The following GPAM variants were observed in gnomAD, a reference collection of about 807,000 sequenced individuals.
GPAM encodes the protein glycerol-3-phosphate acyltransferase, mitochondrial.
GPAM carries 56 observed loss-of-function variants against 105.0 expected under a neutral mutation model. The observed-to-expected ratio is 0.53, with a 90% CI of 0.43 to 0.67. The LOEUF is 0.67. Ranked by LOEUF, GPAM falls within the 30% of genes least tolerant of loss-of-function variation. The pLI is 0.00. For missense variants in GPAM, 855 were observed against 989.8 expected (o/e 0.86, Z 1.83); for synonymous variants, 368 against 354.4 (o/e 1.04, Z -0.43).
In GPAM at chr10:112,161,753, A is replaced by G; in HGVS notation, c.1424-16T>C. 1 of 1,612,284 alleles carries G rather than the reference A, an allele frequency of 6.2e-7. No homozygotes were observed. The highest frequency in any genetic ancestry group is 8.5e-7 in the Non-Finnish European group (1 of 1,178,320). On this transcript the variant is annotated splice_polypyrimidine_tract_variant and intron_variant, in intron 14 of 21. Coordinates refer to ENST00000348367, the MANE Select transcript of GPAM (RefSeq NM_001244949.2). ...TTGCTAGCAGCTGGAAGGCAAACAC[A>G]AAGCTTTTTTTAGTTGCACTTTTTA... is the stretch of plus-strand genomic sequence containing the variant.
chr10:112,178,419 C>T (rs532971556), intron 4 of GPAM, among the ~76,000 whole-genome samples: 1 of 151,774 alleles, frequency 6.6e-6, no homozygotes, highest in East Asian at 1.9e-4. Context: ...GTGTGGTGGT[C>T]GGTGCCTGTA....
At position 112,181,813 on chromosome 10, in the gene GPAM, G is replaced by A. The variant is rs1847513899; in HGVS notation, c.-29C>T. ...ACAAAGTGTAATTCCCAAATCATGT[G>A]CTATAAAAAATAGGTACCATTTAAA... On this transcript the variant is annotated splice_region_variant and 5_prime_UTR_variant, in exon 3 of 22. Coordinates refer to ENST00000348367, the MANE Select transcript of GPAM (RefSeq NM_001244949.2). 7.9e-7 allele frequency: 1 copy of A among 1,261,712 alleles called. No homozygotes were observed. Among genetic ancestry groups the A allele is most frequent in the Non-Finnish European group, 1.2e-6 (1 of 858,944 alleles). 78.2% of individuals were successfully genotyped at this position (1,261,712 alleles called of 1,614,324 possible).
chr10:112,209,764 T>C (rs12246288), intron 1 of GPAM, among the ~76,000 whole-genome samples: 24,401 of 152,242 alleles, frequency 0.16, 2,457 homozygotes, highest in African/African-American at 0.27. Context: ...TTCATTTCTA[T>C]GGCAACCATC....
intron 1 of GPAM, among the ~76,000 whole-genome samples, chr10:112,200,202 ATATATATT>A (rs1847778472): frequency 8.2e-6 from 1 of 121,782 alleles, no homozygotes; most frequent in Non-Finnish European, 1.6e-5. Context: ...ATATATATAT[ATATATATT>A]TCAGTCCACA....
intron 13 of GPAM, 130 bp downstream of exon 13, chr10:112,164,395 A>ACTAAGATATTTTCTAAGAGAAACTTTT: frequency 1.5e-6 from 1 of 682,708 alleles, no homozygotes; most frequent in Non-Finnish European, 2.7e-6. Flanking sequence ...CCCTTATTGG[A>ACTAAGATATTTTCTAAGAGAAACTTTT]CTAAGAGAAA....
chr10:112,186,252 A>G (rs954049600), upstream of GPAM, among the ~76,000 whole-genome samples: 2 of 152,040 alleles, frequency 1.3e-5, no homozygotes, highest in African/African-American at 4.8e-5. Flanking sequence ...CTGAATGAAG[A>G]ACCTATCAAT....
rs552306827 is a variant in GPAM, at chr10:112,181,672, C to T, written c.102+11G>A. The T allele has an allele frequency of 6.8e-7, 1 of 1,477,720 alleles. No individual in the cohort carries two copies. Among genetic ancestry groups the T allele is most frequent in the Non-Finnish European group, 9.5e-7 (1 of 1,055,594 alleles). 91.5% of individuals were successfully genotyped at this position (1,477,720 alleles called of 1,614,324 possible). A position where few individuals can be genotyped will look rare whatever the true frequency, so the allele number is the denominator to read the frequency against. ...TAGGCTGAGTGCTTTTAACTCTTAT[C>T]CTAAACTTACCCATTCCTCACTTGT... On this transcript the variant is annotated intron_variant, in intron 3 of 21. Transcript: ENST00000348367.
In GPAM at chr10:112,153,711, T is replaced by A. The variant is rs1554888679; in HGVS notation, c.2371-45A>T. The A allele has an allele frequency of 2.5e-6, 4 of 1,596,758 alleles. No homozygotes were observed. In the South Asian group the frequency reaches 4.5e-5, roughly 18 times the overall value. On this transcript the variant is annotated intron_variant, in intron 21 of 21. Transcript: ENST00000348367. ...TAAATTAAAGGCAAAAAATAAAAAA[T>A]AAAAAAAATTTCCATTACCAACCTG... is the stretch of plus-strand genomic sequence containing the variant.
At position 112,156,064 on chromosome 10, in the gene GPAM, A is replaced by G. The variant is rs1242042981; in HGVS notation, c.2122-11T>C. The G allele has an allele frequency of 5.6e-6, 9 of 1,600,524 alleles. No homozygotes were observed. The highest frequency in any genetic ancestry group is 6.8e-6 in the Non-Finnish European group (8 of 1,168,888). On this transcript the variant is annotated splice_polypyrimidine_tract_variant and intron_variant, in intron 19 of 21. Transcript: ENST00000348367. ...CTTGGATTGGCTCACCTGAGTGTGCAAAAGCAGGAGATGAAGTCATGAGGA... is the reference window on the plus strand; with the variant it reads ...CTTGGATTGGCTCACCTGAGTGTGCGAAAGCAGGAGATGAAGTCATGAGGA...
chr10:112,153,867 C>A, intron 21 of GPAM: 8 of 434,588 alleles, frequency 1.8e-5, no homozygotes, highest in Non-Finnish European at 2.7e-5. Context: ...TTTTCTTTTT[C>A]TATTTTTTTT....
At chr10:112,185,666 G>A (rs988821744), upstream of GPAM, among the ~76,000 whole-genome samples, 4 of 151,810 alleles carry the variant, frequency 2.6e-5, no homozygotes, top group East Asian at 1.9e-4. Flanking sequence ...AAAACCTGAC[G>A]GGAGGCTGAG....
intron 1 of GPAM, among the ~76,000 whole-genome samples, chr10:112,213,876 G>A (rs1182871655): frequency 2.0e-5 from 3 of 152,154 alleles, no homozygotes; most frequent in Non-Finnish European, 4.4e-5. Context: ...ATGGCAAAGG[G>A]AGAAAATGTT....
At chr10:112,158,121 G>A (rs931344852) in intron 18 of GPAM, among the ~76,000 whole-genome samples, 195 bp downstream of exon 18, 11 of 152,142 alleles carry the variant, frequency 7.2e-5, no homozygotes, top group African/African-American at 2.7e-4. Flanking sequence ...AGGAAAGACA[G>A]GGTTGTGCCA....
intron 10 of GPAM, 110 bp from the exon 11 acceptor site, chr10:112,168,634 C>T: frequency 1.3e-6 from 1 of 788,194 alleles, no homozygotes; most frequent in South Asian, 1.5e-5. Flanking sequence ...AACTTCACTA[C>T]TGACAAAGTA....
At chr10:112,207,780 G>T (rs1847867659) in intron 1 of GPAM, among the ~76,000 whole-genome samples, 1 of 152,152 alleles carries the variant, frequency 6.6e-6, no homozygotes, top group African/African-American at 2.4e-5. Flanking sequence ...TCACGCTCAA[G>T]ATATATCTTT....
intron 9 of GPAM, among the ~76,000 whole-genome samples, chr10:112,171,010 T>C (rs1253857615): frequency 6.6e-6 from 1 of 152,190 alleles, no homozygotes; most frequent in African/African-American, 2.4e-5. Flanking sequence ...ACGAAGGCCA[T>C]CTTGTGAAGC....
chr10:112,171,984 T>C (rs1248561162), intron 9 of GPAM, among the ~76,000 whole-genome samples, 198 bp downstream of exon 9: 1 of 152,172 alleles, frequency 6.6e-6, no homozygotes, highest in East Asian at 1.9e-4. Context: ...CCATATAAAA[T>C]ATATAAATAA....
intron 1 of GPAM, among the ~76,000 whole-genome samples, chr10:112,210,083 C>T (rs770511977): frequency 5.3e-5 from 8 of 152,194 alleles, no homozygotes; most frequent in Non-Finnish European, 1.0e-4. Context: ...CCCTGTTTTA[C>T]GTCTGACGTG....
At chr10:112,159,672 T>G (rs565980904) in intron 17 of GPAM, among the ~76,000 whole-genome samples, 1 of 152,126 alleles carries the variant, frequency 6.6e-6, no homozygotes, top group East Asian at 1.9e-4. Context: ...CCTGAGAACA[T>G]TGAGCAATCT....
Sources: allele counts gnomAD v4.1 joint callset (sites outside exome capture counted in the v4.1 genomes callset), GRCh38; gene constraint gnomAD v4.1.1; transcripts MANE v1.5; gene names NCBI Gene and HGNC (gene_info 2026-07-23, HGNC 2026-07-21).